Variants in SERGEF observed in about 807,000 individuals in gnomAD.
SERGEF encodes the protein secretion-regulating guanine nucleotide exchange factor.
In SERGEF, 51 loss-of-function variants were observed where a neutral mutation model predicts 50.0. The ratio of observed to expected loss-of-function variants is 1.02; its 90% CI spans 0.81 to 1.29. SERGEF has a LOEUF of 1.29. SERGEF is among the 50% of genes most tolerant of loss of function. The pLI is 0.00. For synonymous variants in SERGEF, 205 were observed against 212.4 expected (o/e 0.97, Z 0.30); for missense variants, 521 against 557.0 (o/e 0.94, Z 0.65).
chr11:17,801,461 C>T (rs915847260), intron 10 of SERGEF, among the ~76,000 whole-genome samples: 3 of 152,096 alleles, frequency 2.0e-5, no homozygotes, highest in African/African-American at 4.8e-5. Context: ...GCAGTGGGGA[C>T]GGAGATAAAT....
At chr11:17,816,820 G>T (rs1290883168) in intron 10 of SERGEF, among the ~76,000 whole-genome samples, 1 of 152,184 alleles carries the variant, frequency 6.6e-6, no homozygotes, top group Non-Finnish European at 1.5e-5. Flanking sequence ...TCTGGGTTCT[G>T]GTCTGAGAGT....
chr11:17,836,641 T>G (rs1016517946), intron 10 of SERGEF, among the ~76,000 whole-genome samples: 5 of 152,162 alleles, frequency 3.3e-5, no homozygotes, highest in African/African-American at 1.2e-4. Flanking sequence ...AAACACACTG[T>G]CTTGTTTTCT....
In SERGEF at chr11:17,959,647, A is replaced by G. The variant is rs1565215724; in HGVS notation, c.845-11T>C. The G allele has an allele frequency of 6.2e-7, 1 of 1,605,846 alleles. No homozygotes were observed. Among genetic ancestry groups the G allele is most frequent in the South Asian group, 1.1e-5 (1 of 89,592 alleles). On this transcript the variant is annotated splice_polypyrimidine_tract_variant and intron_variant, in intron 8 of 10. Coordinates refer to ENST00000265965, the MANE Select transcript of SERGEF (RefSeq NM_012139.4). ...ACATCTTGCCAGTTTCTAAAAACAAATATTATTTGAATTAAGACTACATTC... is the reference window on the plus strand; with the variant it reads ...ACATCTTGCCAGTTTCTAAAAACAAGTATTATTTGAATTAAGACTACATTC...
At chr11:17,976,044 C>T (rs755501144) in intron 8 of SERGEF, among the ~76,000 whole-genome samples, 1 of 152,172 alleles carries the variant, frequency 6.6e-6, no homozygotes, top group African/African-American at 2.4e-5. Context: ...GGAATTAAGG[C>T]CCTCATTTTA....
At chr11:17,805,970 C>A (rs944884539) in intron 10 of SERGEF, among the ~76,000 whole-genome samples, 1 of 152,194 alleles carries the variant, frequency 6.6e-6, no homozygotes, top group East Asian at 1.9e-4. Flanking sequence ...CCCATTTGTC[C>A]TTCAAGAAAC....
At chr11:17,833,001 A>G (rs767388182) in intron 10 of SERGEF, among the ~76,000 whole-genome samples, 8 of 152,152 alleles carry the variant, frequency 5.3e-5, no homozygotes, top group Non-Finnish European at 1.2e-4. Flanking sequence ...AGAAAATCTC[A>G]TTTTCTGAGG....
At chr11:17,821,225 G>A (rs1040201830) in intron 10 of SERGEF, among the ~76,000 whole-genome samples, 18 of 152,184 alleles carry the variant, frequency 1.2e-4, no homozygotes, top group African/African-American at 4.3e-4. Context: ...AGAAGTGAGA[G>A]CATAAATATG....
In SERGEF at chr11:18,007,507, T is replaced by C. The variant is rs188058595; in HGVS notation, c.196+434A>G. Reference sequence around the variant, plus strand: ...ATGCAATATGCCCCCCTTTACAACATTGTAGCACTTGTACTACTTGTTAAG... The same window carrying C: ...ATGCAATATGCCCCCCTTTACAACACTGTAGCACTTGTACTACTTGTTAAG... On this transcript the variant is annotated intron_variant, in intron 2 of 10. Transcript: ENST00000265965. Among the ~76,000 whole-genome samples, 155 of 152,354 alleles carry C rather than the reference T, an allele frequency of 1.0e-3. 1 individual carries two copies. Among genetic ancestry groups the C allele is most frequent in the African/African-American group, 3.6e-3 (151 of 41,576 alleles).
chr11:17,894,161 T>G (rs1198709527), intron 9 of SERGEF, among the ~76,000 whole-genome samples: 1 of 152,124 alleles, frequency 6.6e-6, no homozygotes, highest in African/African-American at 2.4e-5. Context: ...CACAAGTACT[T>G]GCACTCCTAC....
chr11:17,995,701 G>A, intron 6 of SERGEF, 95 bp downstream of exon 6: 1 of 877,608 alleles, frequency 1.1e-6, no homozygotes. Context: ...CCAAGAAATA[G>A]CAAAATCAAA....
intron 5 of SERGEF, among the ~76,000 whole-genome samples, chr11:17,996,816 GAA>G (rs564295644): frequency 1.4e-5 from 2 of 142,622 alleles, no homozygotes; most frequent in African/African-American, 2.6e-5. Flanking sequence ...ACTTCGAGAG[GAA>G]AAAAAAAAAG....
intron 10 of SERGEF, among the ~76,000 whole-genome samples, chr11:17,859,033 G>A (rs532670144): frequency 6.6e-6 from 1 of 152,256 alleles, no homozygotes; most frequent in African/African-American, 2.4e-5. Context: ...AGTTGATGCA[G>A]GCCATAGAGA....
At chr11:17,859,763 G>C (rs1850892579) in intron 10 of SERGEF, among the ~76,000 whole-genome samples, 1 of 152,204 alleles carries the variant, frequency 6.6e-6, no homozygotes, top group Non-Finnish European at 1.5e-5. Flanking sequence ...TTAGATGCTA[G>C]AGGACAATGG....
Position 17,865,787 on chromosome 11 carries a change from G to A in SERGEF, c.1048+12421C>T, listed in dbSNP as rs80184460. 0.013 allele frequency among the ~76,000 whole-genome samples: 1,961 copies of A among 152,224 alleles called. 119 individuals are homozygous for A. In the East Asian group the frequency reaches 0.19, roughly 15 times the overall value. On this transcript the variant is annotated intron_variant, in intron 10 of 10. Transcript: ENST00000265965. ...TTATAGTAAGCTATGGTTAATTTAC[G>A]TTTGAAGAAAGAGATTTTTTGTGTG...
intron 9 of SERGEF, among the ~76,000 whole-genome samples, chr11:17,911,076 G>C (rs140129356): frequency 6.6e-6 from 1 of 152,134 alleles, no homozygotes; most frequent in Non-Finnish European, 1.5e-5. Flanking sequence ...GGGCACATGA[G>C]ATGAATAAGA....
At chr11:17,817,416 C>T (rs1157739657) in intron 10 of SERGEF, among the ~76,000 whole-genome samples, 1 of 151,962 alleles carries the variant, frequency 6.6e-6, no homozygotes, top group Non-Finnish European at 1.5e-5. Context: ...CGGGGTTTCA[C>T]CATGTTAGCC....
At chr11:17,908,669 A>C (rs1851896959) in intron 9 of SERGEF, among the ~76,000 whole-genome samples, 1 of 152,202 alleles carries the variant, frequency 6.6e-6, no homozygotes, top group Non-Finnish European at 1.5e-5. Context: ...CAGTTGATGA[A>C]TGAGTGAGTG....
At chr11:17,910,894 C>T (rs909024515) in intron 9 of SERGEF, among the ~76,000 whole-genome samples, 1 of 152,098 alleles carries the variant, frequency 6.6e-6, no homozygotes, top group South Asian at 2.1e-4. Flanking sequence ...GCCAGGAGGG[C>T]CTCGTGGCTC....
Position 17,788,336 on chromosome 11 carries a change from T to C in SERGEF, c.1126A>G (p.Lys376Glu), listed in dbSNP as rs774426292. 9.9e-6 allele frequency: 16 copies of C among 1,614,048 alleles called. No individual in the cohort carries two copies. The highest frequency in any genetic ancestry group is 6.7e-5 in the Admixed American group (4 of 60,002). ...DGTEANVWAPKPVQALLSSSG... is the reference protein window; with the variant it reads ...DGTEANVWAPEPVQALLSSSG... ...GATGACAGCAGAGCCTGCACCGGCT[T>C]TGGGGCCCAGACGTTGGCTTCAGTG... The change falls in exon 11 of 11, where the codon AAG becomes GAG. Residue 376 changes from lysine to glutamate, a missense_variant. Physicochemically the swap from Lys to Glu is moderately conservative, Grantham distance 56. Coordinates refer to ENST00000265965, the MANE Select transcript of SERGEF (RefSeq NM_012139.4).
Sources: gnomAD v4.1 joint callset for allele counts (sites outside exome capture counted in the v4.1 genomes callset) on GRCh38, gnomAD v4.1.1 for gene constraint, MANE v1.5 for transcripts, NCBI Gene and HGNC (gene_info 2026-07-23, HGNC 2026-07-21) for gene names.